DENND5B: variants seen among roughly 807,000 people sequenced by gnomAD.
DENND5B encodes DENN domain containing 5B, also known as DENN domain-containing protein 5B.
A neutral mutation model predicts 140.6 loss-of-function variants in DENND5B; 34 were observed. The ratio of observed to expected loss-of-function variants is 0.24; its 90% CI spans 0.18 to 0.32. DENND5B has a LOEUF of 0.32. DENND5B is among the 10% of genes least tolerant of loss of function. The pLI, the probability that DENND5B is intolerant of heterozygous loss-of-function variation, is 1.00. For missense variants in DENND5B, 1,142 were observed against 1,560.2 expected, an observed-to-expected ratio of 0.73 and a Z score of 4.52; for synonymous variants, 551 against 562.1, an observed-to-expected ratio of 0.98 and a Z score of 0.28.
chr12:31,571,675 T>C (rs946105315), intron 1 of DENND5B, among the ~76,000 whole-genome samples: 1 of 152,130 alleles, frequency 6.6e-6, no homozygotes, highest in Non-Finnish European at 1.5e-5. Flanking sequence ...TGGAGTGCCA[T>C]GGCACGTTCT....
In DENND5B at chr12:31,500,532, T is replaced by G. The variant is rs555343033; in HGVS notation, c.128-4613A>C. ...TCATCTCTACTAAAAATACAAAAAT[T>G]AGCTGGGCATGGTGGTGGGTGCCCA... On this transcript the variant is annotated intron_variant, in intron 1 of 20. Transcript: ENST00000389082. The G allele has an allele frequency of 8.7e-6, 3 of 343,448 alleles. No homozygotes were observed. In the East Asian group the frequency reaches 2.8e-4, roughly 32 times the overall value. 21.3% of individuals were successfully genotyped at this position (343,448 alleles called of 1,614,324 possible). A position where few individuals can be genotyped will look rare whatever the true frequency, so the allele number is the denominator to read the frequency against.
chr12:31,521,227 AG>A (rs1192223464), intron 1 of DENND5B, among the ~76,000 whole-genome samples: 2 of 152,150 alleles, frequency 1.3e-5, no homozygotes, highest in Non-Finnish European at 2.9e-5. Context: ...TGTTATATAT[AG>A]TAAGTTCAGA....
chr12:31,496,278 T>C (rs1408979788), intron 1 of DENND5B, among the ~76,000 whole-genome samples: 1 of 152,242 alleles, frequency 6.6e-6, no homozygotes, highest in African/African-American at 2.4e-5. Flanking sequence ...ATTAAGCTAA[T>C]CATATGTCTT....
intron 15 of DENND5B, 59 bp from the exon 16 acceptor site, chr12:31,399,831 T>C (rs1215572116): frequency 5.2e-6 from 7 of 1,336,030 alleles, no homozygotes; most frequent in Admixed American, 3.9e-5. Flanking sequence ...ACATCTCAGC[T>C]TTACAGGTAC....
chr12:31,565,513 T>C (rs1191119767), intron 1 of DENND5B, among the ~76,000 whole-genome samples: 1 of 152,240 alleles, frequency 6.6e-6, no homozygotes, highest in Non-Finnish European at 1.5e-5. Flanking sequence ...CAACAAAATC[T>C]GTAATTTTCA....
At chr12:31,518,350 C>T (rs1264880147) in intron 1 of DENND5B, among the ~76,000 whole-genome samples, 1 of 152,198 alleles carries the variant, frequency 6.6e-6, no homozygotes, top group Admixed American at 6.5e-5. Flanking sequence ...GCTCAGCTAA[C>T]ATGGTTTGCC....
chr12:31,572,301 C>T (rs768773628), intron 1 of DENND5B, among the ~76,000 whole-genome samples: 1 of 152,116 alleles, frequency 6.6e-6, no homozygotes, highest in Non-Finnish European at 1.5e-5. Flanking sequence ...TATTTACCCT[C>T]ACTCATTGTT....
chr12:31,439,929 C>CAAAAAAAAAAAAAAAAAAAAAAAAA (rs67272470), intron 7 of DENND5B, among the ~76,000 whole-genome samples: 1 of 52,300 alleles, frequency 1.9e-5, no homozygotes, highest in Non-Finnish European at 3.1e-5. Flanking sequence ...GACTCCGTCT[C>CAAAAAAAAAAAAAAAAAAAAAAAAA]AAAAAAAAAA....
intron 4 of DENND5B, among the ~76,000 whole-genome samples, chr12:31,454,709 C>G (rs1163021792): frequency 6.6e-6 from 1 of 151,718 alleles, no homozygotes; most frequent in East Asian, 1.9e-4. Flanking sequence ...TCTCACAGTG[C>G]TGGGATTATA....
chr12:31,437,932 T>C (rs1018742095), intron 7 of DENND5B, among the ~76,000 whole-genome samples: 1 of 152,236 alleles, frequency 6.6e-6, no homozygotes, highest in Non-Finnish European at 1.5e-5. Flanking sequence ...CATTCCATGG[T>C]GATGCGATTC....
rs570959965 is a variant in DENND5B, at chr12:31,409,772, C to T, written c.2682-388G>A. Among the ~76,000 whole-genome samples, 9 of 152,150 alleles carry T rather than the reference C, an allele frequency of 5.9e-5. No individual in the cohort carries two copies. In the East Asian group the frequency reaches 1.7e-3, roughly 29 times the overall value. On this transcript the variant is annotated intron_variant, in intron 13 of 20. Coordinates refer to ENST00000389082, the MANE Select transcript of DENND5B (RefSeq NM_144973.4). ...GGGATTACAGGCATGAGCCACCATG[C>T]CCGGCCATTTTTTTTCTTTTGTTTC...
chr12:31,516,677 C>A (rs1004297171), intron 1 of DENND5B, among the ~76,000 whole-genome samples: 1 of 152,132 alleles, frequency 6.6e-6, no homozygotes, highest in African/African-American at 2.4e-5. Context: ...TAACACCTAC[C>A]TTTTCAAGAG....
chr12:31,501,629 C>T (rs569630865), intron 1 of DENND5B, among the ~76,000 whole-genome samples: 1 of 151,982 alleles, frequency 6.6e-6, no homozygotes, highest in East Asian at 1.9e-4. Flanking sequence ...CAAAATTAAC[C>T]AGGCATGGTG....
chr12:31,450,828 T>C (rs1255212653), intron 5 of DENND5B, among the ~76,000 whole-genome samples: 1 of 152,036 alleles, frequency 6.6e-6, no homozygotes, highest in African/African-American at 2.4e-5. Context: ...ATCACAGCAG[T>C]AAAGAACTAA....
At chr12:31,519,414 T>C (rs1479130768) in intron 1 of DENND5B, among the ~76,000 whole-genome samples, 1 of 152,248 alleles carries the variant, frequency 6.6e-6, no homozygotes, top group East Asian at 1.9e-4. Flanking sequence ...AAAACTTTGT[T>C]AATGGATAAA....
intron 1 of DENND5B, among the ~76,000 whole-genome samples, chr12:31,556,766 T>C (rs1168471294): frequency 6.6e-6 from 1 of 152,142 alleles, no homozygotes; most frequent in Non-Finnish European, 1.5e-5. Context: ...AAATACACAC[T>C]GAAGTGTAAA....
At chr12:31,408,568 G>A (rs930713882) in intron 14 of DENND5B, among the ~76,000 whole-genome samples, 5 of 146,214 alleles carry the variant, frequency 3.4e-5, no homozygotes, top group Admixed American at 6.9e-5. Flanking sequence ...TGGAGGCTGC[G>A]GTGAGCTGAG....
intron 1 of DENND5B, among the ~76,000 whole-genome samples, chr12:31,550,673 T>C (rs1053844388): frequency 5.9e-5 from 9 of 152,284 alleles, no homozygotes; most frequent in African/African-American, 1.9e-4. Flanking sequence ...TAGTTTACAG[T>C]CCCAAGAACA....
chr12:31,533,603 T>TA (rs1328883972), intron 1 of DENND5B, among the ~76,000 whole-genome samples: 1 of 152,200 alleles, frequency 6.6e-6, no homozygotes, highest in Non-Finnish European at 1.5e-5. Context: ...AGAGATTATG[T>TA]AAGCAGTGCC....
Sources: allele counts gnomAD v4.1 joint callset (sites outside exome capture counted in the v4.1 genomes callset), GRCh38; gene constraint gnomAD v4.1.1; transcripts MANE v1.5; gene names NCBI Gene and HGNC (gene_info 2026-07-23, HGNC 2026-07-21).